The following CTPS2 variants were observed in gnomAD, a reference collection of about 807,000 sequenced individuals.
CTPS2 encodes CTP synthase II.
In CTPS2, 19 loss-of-function variants were observed where a neutral mutation model predicts 46.8. That is an observed-to-expected ratio of 0.41 (90% CI 0.28 to 0.60). CTPS2 has a LOEUF of 0.60. Among genes scored for constraint, CTPS2 ranks in the 20% least tolerant of loss-of-function variants. The pLI, the probability that CTPS2 is intolerant of heterozygous loss-of-function variation, is 0.35. For missense variants in CTPS2, 286 were observed against 447.6 expected, an observed-to-expected ratio of 0.64 and a Z score of 3.26; for synonymous variants, 151 against 165.2, an observed-to-expected ratio of 0.91 and a Z score of 0.66.
chrX:16,685,822 G>A (rs377253517), intron 8 of CTPS2, among the ~76,000 whole-genome samples: 16 of 94,379 alleles, frequency 1.7e-4, no homozygotes, highest in African/African-American at 5.3e-4. Flanking sequence ...AGCTGAGATC[G>A]CACCACTGCA....
chrX:16,590,712 C>G lies in CTPS2; in HGVS notation c.*41+40G>C, dbSNP rs1447051652. 8.0e-6 allele frequency: 6 copies of G among 748,424 alleles called. No homozygotes were observed. In the East Asian group the frequency reaches 1.9e-4, roughly 24 times the overall value. 61.7% of individuals were successfully genotyped at this position (748,424 alleles called of 1,213,427 possible). ...CCTCTATACCAAGATGACAGCTTGT[C>G]CATGAGAGAAATGAACAATCCTCGA... On this transcript the variant is annotated intron_variant, in intron 18 of 18. Coordinates refer to ENST00000359276, the MANE Select transcript of CTPS2 (RefSeq NM_175859.3).
At chrX:16,596,740 C>G (rs747689652) in intron 17 of CTPS2, among the ~76,000 whole-genome samples, 1,167 of 105,532 alleles carry the variant, frequency 0.011, 27 homozygotes, top group African/African-American at 0.04. Context: ...AATGGTATTT[C>G]TAGTTCTAGA....
rs1263193721 is a variant in CTPS2, at chrX:16,683,154, G to A, written c.945C>T (p.Ala315=). 7.4e-6 allele frequency: 9 copies of A among 1,210,918 alleles called. No individual in the cohort carries two copies. The South Asian group carries it at 1.4e-4, about 19-fold the overall frequency. ...AGTGTTCCAGGGCTTTGAACACAGA[G>A]GCGTAGCAGTCTCTGAGCTTGGTGT... ...GKYTKLRDCY[A]SVFKALEHSA... is the part of the protein sequence containing the mutation. The change falls in exon 9 of 19, where the codon GCC becomes GCT. Residue 315 remains alanine, a synonymous_variant. Transcript: ENST00000359276.
At chrX:16,703,942 T>C (rs1924785548) in intron 1 of CTPS2, among the ~76,000 whole-genome samples, 1 of 106,785 alleles carries the variant, frequency 9.4e-6, no homozygotes, top group South Asian at 4.2e-4. Flanking sequence ...TTTTTTTTTT[T>C]TTTTTCTTTT....
intron 13 of CTPS2, among the ~76,000 whole-genome samples, chrX:16,643,905 C>A (rs1407213146): frequency 9.0e-6 from 1 of 111,505 alleles, no homozygotes; most frequent in Non-Finnish European, 1.9e-5. Context: ...CTTCTCCCTC[C>A]CATTCCTCAT....
Position 16,683,202 on chromosome X carries a change from G to A in CTPS2, c.897C>T (p.Cys299=), listed in dbSNP as rs748074040. 20 of 1,208,364 alleles carry A rather than the reference G, an allele frequency of 1.7e-5. No individual in the cohort carries two copies. In the South Asian group the frequency reaches 3.5e-4, roughly 21 times the overall value. The change falls in exon 9 of 19, where the codon TGC becomes TGT. Residue 299 remains cysteine, a synonymous_variant. Transcript: ENST00000359276. The part of the protein sequence containing the change: ...ADRYERLQKI[C]SIALVGKYTK... Reference sequence around the variant, plus strand: ...TGTATTTGCCAACCAGGGCTATGGAGCATATTTTCTGTAACCTTTCATACC... The same window carrying A: ...TGTATTTGCCAACCAGGGCTATGGAACATATTTTCTGTAACCTTTCATACC...
chrX:16,627,826 AC>A (rs1931245591), intron 14 of CTPS2, among the ~76,000 whole-genome samples: 1 of 110,873 alleles, frequency 9.0e-6, no homozygotes, highest in East Asian at 2.8e-4. Context: ...CACCCCCGAA[AC>A]CTGCAAAACC....
intron 17 of CTPS2, among the ~76,000 whole-genome samples, chrX:16,603,457 A>AAAAC (rs1929791906): frequency 9.2e-6 from 1 of 109,265 alleles, no homozygotes; most frequent in African/African-American, 3.4e-5. Context: ...ATAAATAAAT[A>AAAAC]AAACCAAAAT....
At chrX:16,675,200 G>A (rs934064638) in intron 10 of CTPS2, among the ~76,000 whole-genome samples, 19 of 108,467 alleles carry the variant, frequency 1.8e-4, no homozygotes, top group African/African-American at 5.7e-4. Context: ...CCCATGAGGC[G>A]GAGGTTGCAG....
chrX:16,706,410 G>A (rs1258470786), intron 1 of CTPS2, among the ~76,000 whole-genome samples: 1 of 108,780 alleles, frequency 9.2e-6, no homozygotes, highest in East Asian at 2.9e-4. Context: ...GCAACAGAGT[G>A]AGACTCCGAC....
chrX:16,648,415 G>C (rs1932433309), intron 13 of CTPS2, among the ~76,000 whole-genome samples: 1 of 112,018 alleles, frequency 8.9e-6, no homozygotes, highest in Non-Finnish European at 1.9e-5. Context: ...AGTGAATCTA[G>C]TCGAAAGGCA....
At position 16,643,855 on chromosome X, in the gene CTPS2, T is replaced by A. The variant is rs147773187; in HGVS notation, c.1297-4612A>T. 1.1e-4 allele frequency among the ~76,000 whole-genome samples: 12 copies of A among 110,904 alleles called. No individual in the cohort carries two copies. The East Asian group carries it at 3.1e-3, about 29-fold the overall frequency. On this transcript the variant is annotated intron_variant, in intron 13 of 18. Transcript: ENST00000359276. ...TCCACTCTCCTACCCACCACCATAC[T>A]ACACACAGACCACCTCCTTCTCTAC...
chrX:16,655,896 AGCAACTCTCCT>A (rs1228005587), intron 13 of CTPS2, among the ~76,000 whole-genome samples: 1 of 110,478 alleles, frequency 9.1e-6, no homozygotes, highest in Non-Finnish European at 1.9e-5. Flanking sequence ...CCCGGGCTCA[AGCAACTCTCCT>A]GCCTCAGCCT....
At chrX:16,594,134 G>T (rs1372936795) in intron 17 of CTPS2, among the ~76,000 whole-genome samples, 1 of 111,667 alleles carries the variant, frequency 9.0e-6, no homozygotes, top group East Asian at 2.8e-4. Context: ...TCGGGGCACA[G>T]GGTAGGGTTT....
intron 1 of CTPS2, among the ~76,000 whole-genome samples, chrX:16,709,097 G>C (rs1391060410): frequency 1.8e-5 from 2 of 109,933 alleles, no homozygotes; most frequent in African/African-American, 3.3e-5. Flanking sequence ...GGACAAGAGC[G>C]AGACTTCGTC....
intron 1 of CTPS2, among the ~76,000 whole-genome samples, chrX:16,705,092 A>T (rs1412608343): frequency 9.1e-6 from 1 of 109,521 alleles, no homozygotes; most frequent in Non-Finnish European, 1.9e-5. Flanking sequence ...GAGAGGGTGT[A>T]TGGGAACTCT....
chrX:16,621,857 T>C (rs1930859622), intron 14 of CTPS2, among the ~76,000 whole-genome samples: 1 of 111,776 alleles, frequency 8.9e-6, no homozygotes, highest in African/African-American at 3.3e-5. Context: ...CGATCAATGA[T>C]CACAGCTGAA....
rs183530490 is a variant in CTPS2, at chrX:16,701,762, G to A, written c.166+975C>T. On this transcript the variant is annotated intron_variant, in intron 2 of 18. Transcript: ENST00000359276. ...ACTACAGGCGCTCGCCACCGCGCCC[G>A]GCTAATTTTTGTATTTTTAGTAGAG... is the stretch of plus-strand genomic sequence containing the variant. Among the ~76,000 whole-genome samples, 507 of 109,444 alleles carry A rather than the reference G, an allele frequency of 4.6e-3. 7 individuals are homozygous for A. The highest frequency in any genetic ancestry group is 0.031 in the Admixed American group (316 of 10,229).
At chrX:16,690,242 A>T (rs1197196903) in intron 7 of CTPS2, among the ~76,000 whole-genome samples, 2 of 103,992 alleles carry the variant, frequency 1.9e-5, no homozygotes, top group Admixed American at 2.1e-4. Flanking sequence ...ATGGTGACAC[A>T]CACCTATAAT....
Sources: allele counts gnomAD v4.1 joint callset (sites outside exome capture counted in the v4.1 genomes callset), GRCh38; gene constraint gnomAD v4.1.1; transcripts MANE v1.5; gene names NCBI Gene and HGNC (gene_info 2026-07-23, HGNC 2026-07-21).